Variants in ANKIB1 observed in about 807,000 individuals in gnomAD.
ANKIB1 encodes the protein ankyrin repeat and IBR domain-containing protein 1.
A neutral mutation model predicts 122.1 loss-of-function variants in ANKIB1; 43 were observed. The observed-to-expected ratio is 0.35, with a 90% confidence interval of 0.28 to 0.45. The LOEUF is 0.45. Ranked by LOEUF, ANKIB1 falls within the 20% of genes least tolerant of loss-of-function variation. The pLI, the probability that ANKIB1 is intolerant of heterozygous loss-of-function variation, is 1.00. For missense variants in ANKIB1, 992 were observed against 1,329.5 expected (o/e 0.75, Z 3.95); for synonymous variants, 390 against 442.0 (o/e 0.88, Z 1.48).
chr7:92,265,735 A>G (rs1801659455), intron 1 of ANKIB1, among the ~76,000 whole-genome samples: 1 of 152,230 alleles, frequency 6.6e-6, no homozygotes, highest in African/African-American at 2.4e-5. Context: ...AAAGGACTCA[A>G]GGATGAATTT....
intron 7 of ANKIB1, among the ~76,000 whole-genome samples, chr7:92,350,277 T>C (rs1049037656): frequency 2.6e-5 from 4 of 152,138 alleles, no homozygotes; most frequent in African/African-American, 9.7e-5. Flanking sequence ...ATTGCCCCCT[T>C]TTCTTTAAAG....
rs1182033221 is a variant in ANKIB1, at chr7:92,400,813, T to C, written c.*1864T>C. On this transcript the variant is annotated 3_prime_UTR_variant, in exon 20 of 20. Coordinates refer to ENST00000265742, the MANE Select transcript of ANKIB1 (RefSeq NM_019004.2). ...TAGTGGGGGGAATATTAACTTTATC[T>C]ACAGTGTATTACTGTATATTAAACT... 1 of 152,220 alleles carries C rather than the reference T, an allele frequency of 6.6e-6. No homozygotes were observed. Among genetic ancestry groups the C allele is most frequent in the Non-Finnish European group, 1.5e-5 (1 of 68,042 alleles). 9.4% of individuals were successfully genotyped at this position (152,220 alleles called of 1,614,324 possible).
At chr7:92,330,517 T>C (rs1803147394) in intron 5 of ANKIB1, among the ~76,000 whole-genome samples, 1 of 152,116 alleles carries the variant, frequency 6.6e-6, no homozygotes, top group South Asian at 2.1e-4. Flanking sequence ...GTAAAAAAAT[T>C]AAATTTAGAA....
At chr7:92,291,465 A>G (rs1343918091) in intron 1 of ANKIB1, among the ~76,000 whole-genome samples, 1 of 152,140 alleles carries the variant, frequency 6.6e-6, no homozygotes. Flanking sequence ...AAAAGTAAAA[A>G]TTTTAAAAAA....
At chr7:92,325,718 C>T (rs1457273267) in intron 4 of ANKIB1, among the ~76,000 whole-genome samples, 2 of 150,880 alleles carry the variant, frequency 1.3e-5, no homozygotes, top group Non-Finnish European at 2.9e-5. Context: ...AAAACAAATA[C>T]TTTCATAACT....
At position 92,398,827 on chromosome 7, in the gene ANKIB1, G is replaced by A; in HGVS notation, c.3148G>A (p.Glu1050Lys). Reference sequence around the variant, plus strand: ...TTTGGAAGAAAATATTCTGGCGGGGGAAGCAGCATCTCAAGCTGGTGACAG... The same window carrying A: ...TTTGGAAGAAAATATTCTGGCGGGGAAAGCAGCATCTCAAGCTGGTGACAG... ...NPLEENILAG[E>K]AASQAGDSGN... Residue 1050 changes from glutamate (E) to lysine (K), a missense_variant, in exon 20 of 20, where the codon GAA (glutamate) becomes AAA (lysine). Physicochemically the swap from Glu to Lys is moderately conservative, Grantham distance 56. Transcript: ENST00000265742. 1.2e-6 allele frequency: 2 copies of A among 1,605,188 alleles called. No homozygotes were observed. The highest frequency in any genetic ancestry group is 1.1e-5 in the South Asian group (1 of 89,686).
At chr7:92,387,699 C>A in intron 12 of ANKIB1, 99 bp from the exon 13 acceptor site, 1 of 767,560 alleles carries the variant, frequency 1.3e-6, no homozygotes, top group African/African-American at 1.8e-5. Flanking sequence ...GAATGCACTA[C>A]TACCTATCAC....
At chr7:92,342,104 T>C (rs1803452235) in intron 5 of ANKIB1, among the ~76,000 whole-genome samples, 1 of 152,076 alleles carries the variant, frequency 6.6e-6, no homozygotes, top group African/African-American at 2.4e-5. Flanking sequence ...ATTTAAGCTA[T>C]AAAATTTTAT....
intron 3 of ANKIB1, among the ~76,000 whole-genome samples, chr7:92,309,937 AAAAAAATAT>A (rs1352101866): frequency 5.9e-5 from 8 of 135,750 alleles, no homozygotes; most frequent in African/African-American, 1.9e-4. Context: ...AAAAAAAAAA[AAAAAAATAT>A]ATATATATAT....
chr7:92,365,788 CTTTTTTTT>C (rs59131137), intron 10 of ANKIB1, among the ~76,000 whole-genome samples: 2 of 58,298 alleles, frequency 3.4e-5, no homozygotes, highest in East Asian at 6.2e-4. Context: ...ATTAAATAAT[CTTTTTTTT>C]TTTTTTTTTT....
chr7:92,388,008 A>C lies in ANKIB1; in HGVS notation c.1873A>C (p.Lys625Gln). ...ACGCCTTCTTAAAACAGCCAAAGAA[A>C]AGATGGAGCAATTGAGCAGAGCTCT... Reference protein sequence around the residue: ...EQRLLKTAKEKMEQLSRALKE... With the variant: ...EQRLLKTAKEQMEQLSRALKE... Residue 625 changes from lysine (K) to glutamine (Q), a missense_variant, in exon 14 of 20, where the codon AAG (lysine) becomes CAG (glutamine). Lys to Gln is a moderately conservative substitution (Grantham distance 53). Transcript: ENST00000265742. 6.3e-7 allele frequency: 1 copy of C among 1,579,076 alleles called. No homozygotes were observed. Among genetic ancestry groups the C allele is most frequent in the Non-Finnish European group, 8.6e-7 (1 of 1,161,302 alleles).
At chr7:92,390,795 A>T (rs1056047405) in intron 15 of ANKIB1, among the ~76,000 whole-genome samples, 2 of 152,196 alleles carry the variant, frequency 1.3e-5, no homozygotes, top group Admixed American at 6.5e-5. Context: ...GCACTATGGC[A>T]TCATGCATTT....
intron 1 of ANKIB1, among the ~76,000 whole-genome samples, chr7:92,250,105 A>G (rs1192522390): frequency 6.6e-6 from 1 of 152,162 alleles, no homozygotes; most frequent in Non-Finnish European, 1.5e-5. Context: ...TCTAAAGCAG[A>G]TAATTTGGCT....
At chr7:92,288,696 G>C (rs185283968) in intron 1 of ANKIB1, among the ~76,000 whole-genome samples, 2 of 152,050 alleles carry the variant, frequency 1.3e-5, no homozygotes, top group Non-Finnish European at 2.9e-5. Context: ...AAAAATGGGC[G>C]AAAGATTTAT....
At chr7:92,310,417 A>G (rs1007912209) in intron 3 of ANKIB1, among the ~76,000 whole-genome samples, 1 of 152,160 alleles carries the variant, frequency 6.6e-6, no homozygotes, top group African/African-American at 2.4e-5. Context: ...GATCTGTTAT[A>G]TATACTTGAG....
chr7:92,396,249 A>G (rs999810232), intron 17 of ANKIB1, 116 bp from the exon 18 acceptor site: 40 of 664,136 alleles, frequency 6.0e-5, no homozygotes, highest in Admixed American at 1.4e-4. Flanking sequence ...AAGTGATTTT[A>G]TAAGATGTGT....
At position 92,247,425 on chromosome 7, in the gene ANKIB1, A is replaced by G. The variant is rs575359454; in HGVS notation, c.-91+906A>G. 1.6e-4 allele frequency among the ~76,000 whole-genome samples: 24 copies of G among 152,338 alleles called. No individual in the cohort carries two copies. In the South Asian group the frequency reaches 4.8e-3, roughly 30 times the overall value. Reference sequence around the variant, plus strand: ...TTTGAGACAGACGTTTAAAGATCATATTAGATTGTATTTGATAATTATTTT... The same window carrying G: ...TTTGAGACAGACGTTTAAAGATCATGTTAGATTGTATTTGATAATTATTTT... On this transcript the variant is annotated intron_variant, in intron 1 of 19. Coordinates refer to ENST00000265742, the MANE Select transcript of ANKIB1 (RefSeq NM_019004.2).
At chr7:92,339,184 G>T (rs1803380784) in intron 5 of ANKIB1, among the ~76,000 whole-genome samples, 1 of 149,444 alleles carries the variant, frequency 6.7e-6, no homozygotes, top group African/African-American at 2.5e-5. Flanking sequence ...TGGGACAACA[G>T]GCACCTGCCA....
Position 92,352,470 on chromosome 7 carries a change from A to G in ANKIB1, c.1231-6A>G. On this transcript the variant is annotated splice_region_variant and splice_polypyrimidine_tract_variant and intron_variant, in intron 8 of 19. Coordinates refer to ENST00000265742, the MANE Select transcript of ANKIB1 (RefSeq NM_019004.2). ...CTTTTGTGTTTTGTTATTGCTGTTT[A>G]AACAGGCCTTTGTTGAAAATAATCC... The G allele has an allele frequency of 1.2e-6, 2 of 1,612,982 alleles. No individual in the cohort carries two copies. Among genetic ancestry groups the G allele is most frequent in the South Asian group, 1.1e-5 (1 of 90,834 alleles).
Sources: allele counts gnomAD v4.1 joint callset (sites outside exome capture counted in the v4.1 genomes callset), GRCh38; gene constraint gnomAD v4.1.1; transcripts MANE v1.5; gene names NCBI Gene and HGNC (gene_info 2026-07-23, HGNC 2026-07-21).